Variants in PPA1 observed in about 807,000 individuals in gnomAD.
PPA1 encodes inorganic pyrophosphatase 1, also known as inorganic pyrophosphatase.
In PPA1, 23 loss-of-function variants were observed where a neutral mutation model predicts 41.8. The observed-to-expected ratio is 0.55, with a 90% CI of 0.40 to 0.78. The LOEUF (loss-of-function observed/expected upper bound fraction) is 0.78. Ranked by LOEUF, PPA1 falls within the 30% of genes least tolerant of loss-of-function variation. PPA1 has a pLI of 0.00. For synonymous variants in PPA1, 101 were observed against 116.8 expected (o/e 0.86, Z 0.87); for missense variants, 320 against 361.6 (o/e 0.89, Z 0.93).
Position 70,209,185 on chromosome 10 carries a change from T to G in PPA1, c.725+20A>C. ...GCTGGTCTGCTTTGTGTGTTAAACATGCAAAGTGTTTACACTTACCAACTG... is the reference window on the plus strand; with the variant it reads ...GCTGGTCTGCTTTGTGTGTTAAACAGGCAAAGTGTTTACACTTACCAACTG... On this transcript the variant is annotated intron_variant, in intron 8 of 10. Transcript: ENST00000373232. 1 of 1,524,976 alleles carries G rather than the reference T, an allele frequency of 6.6e-7. No individual in the cohort carries two copies. Among genetic ancestry groups the G allele is most frequent in the Non-Finnish European group, 9.1e-7 (1 of 1,101,410 alleles). The allele number at this position is 1,524,976 out of a possible 1,614,324, so 94.5% of individuals were successfully genotyped here. A position where few individuals can be genotyped will look rare whatever the true frequency, so the allele number is the denominator to read the frequency against.
chr10:70,227,873 T>G (rs769798032), intron 2 of PPA1, among the ~76,000 whole-genome samples: 5 of 152,106 alleles, frequency 3.3e-5, no homozygotes, highest in Admixed American at 1.3e-4. Flanking sequence ...CGTGAGAATG[T>G]ATTCATGTAA....
chr10:70,208,104 C>CTT (rs531139122), intron 8 of PPA1, among the ~76,000 whole-genome samples: 2 of 152,082 alleles, frequency 1.3e-5, no homozygotes, highest in Non-Finnish European at 2.9e-5. Flanking sequence ...GCAGGAGAAT[C>CTT]TCTTGAATCC....
At chr10:70,231,899 T>C (rs73275674) in intron 1 of PPA1, among the ~76,000 whole-genome samples, 150 of 152,354 alleles carry the variant, frequency 9.8e-4, no homozygotes, top group African/African-American at 3.4e-3. Flanking sequence ...GTGTTTGTTC[T>C]GCATATATAG....
chr10:70,221,399 C>T (rs1840167330), intron 2 of PPA1, among the ~76,000 whole-genome samples: 1 of 151,908 alleles, frequency 6.6e-6, no homozygotes. Context: ...CTCCAAGCCT[C>T]CTGATACCTC....
At chr10:70,206,357 C>A in intron 8 of PPA1, 24 bp from the exon 9 acceptor site, 1 of 1,562,548 alleles carries the variant, frequency 6.4e-7, no homozygotes, top group South Asian at 1.1e-5. Context: ...CAAAAGTAGT[C>A]ATAAGACAAA....
chr10:70,203,125 A>C lies in PPA1; in HGVS notation c.*30T>G, dbSNP rs1839900452. ...TACATCCAGATGAACACGATGTAGC[A>C]ATATCAGCTTGTATTCCAGAGAAAT... On this transcript the variant is annotated 3_prime_UTR_variant, in exon 11 of 11. Coordinates refer to ENST00000373232, the MANE Select transcript of PPA1 (RefSeq NM_021129.4). 1 of 1,589,392 alleles carries C rather than the reference A, an allele frequency of 6.3e-7. No individual in the cohort carries two copies. Among genetic ancestry groups the C allele is most frequent in the Non-Finnish European group, 8.6e-7 (1 of 1,159,306 alleles).
intron 2 of PPA1, among the ~76,000 whole-genome samples, chr10:70,227,506 C>G (rs1434210470): frequency 4.6e-5 from 7 of 151,998 alleles, no homozygotes; most frequent in African/African-American, 1.7e-4. Flanking sequence ...GAAAAATTAG[C>G]TGGGCGTGGT....
chr10:70,214,450 T>G, intron 5 of PPA1, 50 bp downstream of exon 5: 1 of 1,428,474 alleles, frequency 7.0e-7, no homozygotes, highest in Non-Finnish European at 9.8e-7. Flanking sequence ...AAATTTGGTA[T>G]ACTTCATTAA....
At chr10:70,203,444 C>A in intron 10 of PPA1, 5 of 381,646 alleles carry the variant, frequency 1.3e-5, no homozygotes, top group South Asian at 1.2e-4. Flanking sequence ...ACTCTCTTGC[C>A]CAGATTGCAG....
intron 4 of PPA1, among the ~76,000 whole-genome samples, chr10:70,216,604 A>C (rs1464298357): frequency 6.6e-6 from 1 of 152,216 alleles, no homozygotes; most frequent in Non-Finnish European, 1.5e-5. Context: ...CTACTATCTT[A>C]TGGGTTGTTT....
Position 70,203,123 on chromosome 10 carries a change from G to A in PPA1, c.*32C>T, listed in dbSNP as rs1839900404. 2 of 1,586,284 alleles carry A rather than the reference G, an allele frequency of 1.3e-6. No homozygotes were observed. The highest frequency in any genetic ancestry group is 1.7e-6 in the Non-Finnish European group (2 of 1,156,830). ...AATACATCCAGATGAACACGATGTA[G>A]CAATATCAGCTTGTATTCCAGAGAA... On this transcript the variant is annotated 3_prime_UTR_variant, in exon 11 of 11. Coordinates refer to ENST00000373232, the MANE Select transcript of PPA1 (RefSeq NM_021129.4).
chr10:70,213,677 G>A, intron 5 of PPA1, 88 bp from the exon 6 acceptor site: 1 of 1,432,202 alleles, frequency 7.0e-7, no homozygotes, highest in East Asian at 2.4e-5. Context: ...ATAAGAAAGA[G>A]GCCAAGTTCT....
At chr10:70,215,118 C>T (rs10740332) in intron 4 of PPA1, among the ~76,000 whole-genome samples, 110,873 of 152,076 alleles carry the variant, frequency 0.73, 41,027 homozygotes, top group Non-Finnish European at 0.79. Context: ...TCGCTTGAAC[C>T]CAGGAAGCAG....
Position 70,209,606 on chromosome 10 carries a change from A to G in PPA1, c.591T>C (p.Asp197=). 4 of 1,607,394 alleles carry G rather than the reference A, an allele frequency of 2.5e-6. No homozygotes were observed. Among genetic ancestry groups the G allele is most frequent in the Non-Finnish European group, 3.4e-6 (4 of 1,178,266 alleles). The change falls in exon 7 of 11, where the codon GAT becomes GAC. Residue 197 remains aspartate (D), a synonymous_variant. Transcript: ENST00000373232. ...VDWFRRYKVP[D]GKPENEFAFN... ...ACGCAAACTCATTTTCTGGTTTTCC[A>G]TCAGGAACCTTATACCTTCTAAACC...
At position 70,204,863 on chromosome 10, in the gene PPA1, G is replaced by A; in HGVS notation, c.838+10C>T. ...TGTTTAATGAAATTTTACTGGAATAGAAATCTTACCGTCTGTTGGTACTGT... is the reference window on the plus strand; with the variant it reads ...TGTTTAATGAAATTTTACTGGAATAAAAATCTTACCGTCTGTTGGTACTGT... On this transcript the variant is annotated intron_variant, in intron 10 of 10. Coordinates refer to ENST00000373232, the MANE Select transcript of PPA1 (RefSeq NM_021129.4). 1.3e-6 allele frequency: 2 copies of A among 1,578,366 alleles called. No individual in the cohort carries two copies. Among genetic ancestry groups the A allele is most frequent in the Non-Finnish European group, 1.7e-6 (2 of 1,157,610 alleles).
At chr10:70,221,625 T>C (rs1564584834) in intron 2 of PPA1, among the ~76,000 whole-genome samples, 1 of 152,140 alleles carries the variant, frequency 6.6e-6, no homozygotes, top group Admixed American at 6.6e-5. Flanking sequence ...ACTTCTCAGG[T>C]GTAAAAACGA....
intron 1 of PPA1, among the ~76,000 whole-genome samples, chr10:70,232,269 C>T (rs1182099877): frequency 6.6e-6 from 1 of 152,236 alleles, no homozygotes; most frequent in Non-Finnish European, 1.5e-5. Flanking sequence ...TTCGAGGCAC[C>T]TGCCCATTTC....
chr10:70,233,241 G>C (rs1316136649), intron 1 of PPA1, 23 bp downstream of exon 1: 1 of 1,530,780 alleles, frequency 6.5e-7, no homozygotes, highest in African/African-American at 1.4e-5. Flanking sequence ...GGCGCGGAGG[G>C]GCCACGGGCC....
intron 6 of PPA1, chr10:70,210,489 T>C: frequency 1.5e-6 from 2 of 1,311,170 alleles, no homozygotes. Context: ...GACTAGACTT[T>C]GCTGGATAGT....
Sources: gnomAD v4.1 joint callset for allele counts (sites outside exome capture counted in the v4.1 genomes callset) on GRCh38, gnomAD v4.1.1 for gene constraint, MANE v1.5 for transcripts, NCBI Gene and HGNC (gene_info 2026-07-23, HGNC 2026-07-21) for gene names.